The following YEATS4 variants were observed in gnomAD, a reference collection of about 807,000 sequenced individuals.
YEATS4 encodes YEATS domain containing 4.
Under a neutral mutation model 30.1 loss-of-function variants are expected in YEATS4, and 17 were observed. The observed-to-expected ratio is 0.56, with a 90% confidence interval of 0.39 to 0.85. The LOEUF (loss-of-function observed/expected upper bound fraction) is 0.85, where lower values mean the gene tolerates loss of function less well. Ranked by LOEUF, YEATS4 falls within the 40% of genes least tolerant of loss-of-function variation. The pLI, the probability that YEATS4 is intolerant of heterozygous loss-of-function variation, is 0.00. For missense variants in YEATS4, 142 were observed against 268.3 expected (o/e 0.53, Z 3.29); for synonymous variants, 85 against 87.5 (o/e 0.97, Z 0.16).
chr12:69,370,683 T>A lies in YEATS4; in HGVS notation c.334-23T>A, dbSNP rs768911891. 2.9e-5 allele frequency: 44 copies of A among 1,517,812 alleles called. No homozygotes were observed. In the South Asian group the frequency reaches 5.6e-4, roughly 19 times the overall value. The allele number at this position is 1,517,812 out of a possible 1,614,324, so 94.0% of individuals were successfully genotyped here. A position where few individuals can be genotyped will look rare whatever the true frequency, so the allele number is the denominator to read the frequency against. On this transcript the variant is annotated intron_variant, in intron 4 of 6. Transcript: ENST00000247843. The stretch of plus-strand genomic sequence containing the variant: ...GATGATAAAAACCATTGCACAGATT[T>A]GACATCTGTTTCTATTTCACAGGTA...
At chr12:69,416,018 C>G in the YEATS4 span, among the ~76,000 whole-genome samples, 2 of 152,222 alleles carry the variant, frequency 1.3e-5, no homozygotes, top group South Asian at 4.1e-4. Context: ...GTCAGCACTT[C>G]TGTGAGAACT....
chr12:69,396,712 T>G, the YEATS4 span, among the ~76,000 whole-genome samples: 1 of 128,826 alleles, frequency 7.8e-6, no homozygotes, highest in African/African-American at 2.5e-5. Context: ...ATTGAAACCA[T>G]GAACCTATTT....
chr12:69,399,208 A>C, the YEATS4 span, among the ~76,000 whole-genome samples: 1 of 152,068 alleles, frequency 6.6e-6, no homozygotes, highest in Non-Finnish European at 1.5e-5. Flanking sequence ...TTCTAAAAAA[A>C]GTCAGAAAAA....
chr12:69,390,482 T>G lies in YEATS4; in HGVS notation c.*166T>G. On this transcript the variant is annotated 3_prime_UTR_variant, in exon 7 of 7. Transcript: ENST00000247843. ...GGAATTTGTACTATTTAAGCAATCT[T>G]TAATGGAAAATATGTGTGTAAGAAT... 1.8e-6 allele frequency: 1 copy of G among 552,612 alleles called. No homozygotes were observed. The highest frequency in any genetic ancestry group is 2.9e-6 in the Non-Finnish European group (1 of 344,378). The allele number at this position is 552,612 out of a possible 1,614,324, so 34.2% of individuals were successfully genotyped here. A position where few individuals can be genotyped will look rare whatever the true frequency, so the allele number is the denominator to read the frequency against.
At chr12:69,367,308 T>A (rs1369854497) in intron 4 of YEATS4, among the ~76,000 whole-genome samples, 2 of 152,214 alleles carry the variant, frequency 1.3e-5, no homozygotes, top group East Asian at 3.8e-4. Context: ...AGTTTTTAGA[T>A]CTCCTACCAT....
chr12:69,385,921 A>C (rs1197337829), intron 6 of YEATS4, among the ~76,000 whole-genome samples: 1 of 152,206 alleles, frequency 6.6e-6, no homozygotes, highest in Non-Finnish European at 1.5e-5. Context: ...AAAATTACCC[A>C]GTAGAGCCTG....
chr12:69,413,353 G>GA, the YEATS4 span, among the ~76,000 whole-genome samples: 6,954 of 110,484 alleles, frequency 0.063, 216 homozygotes, highest in Non-Finnish European at 0.074. Flanking sequence ...GTCTCTAAAT[G>GA]AAAAAAAAAA....
chr12:69,361,591 G>A (rs994540346), intron 1 of YEATS4, among the ~76,000 whole-genome samples: 2 of 151,762 alleles, frequency 1.3e-5, no homozygotes, highest in Non-Finnish European at 2.9e-5. Flanking sequence ...GTGCCTGGCC[G>A]CTTTTCTTCA....
At chr12:69,397,752 C>A in the YEATS4 span, among the ~76,000 whole-genome samples, 1 of 152,044 alleles carries the variant, frequency 6.6e-6, no homozygotes, top group African/African-American at 2.4e-5. Context: ...CACAGACACT[C>A]ACAGAAGGAA....
intron 4 of YEATS4, among the ~76,000 whole-genome samples, chr12:69,366,204 G>A (rs975341237): frequency 1.3e-5 from 2 of 152,118 alleles, no homozygotes; most frequent in Admixed American, 6.5e-5. Context: ...CCCATATGCT[G>A]TGTAAAATAG....
At chr12:69,393,701 G>A (rs971134876), downstream of YEATS4, among the ~76,000 whole-genome samples, 2 of 152,142 alleles carry the variant, frequency 1.3e-5, no homozygotes, top group South Asian at 2.1e-4. Flanking sequence ...CTAAATCTGG[G>A]GAAAGGGGAT....
chr12:69,420,938 T>C, the YEATS4 span, among the ~76,000 whole-genome samples: 1 of 152,192 alleles, frequency 6.6e-6, no homozygotes, highest in East Asian at 1.9e-4. Context: ...TTTGGCATAG[T>C]GTTTTTAAGG....
Position 69,365,875 on chromosome 12 carries a change from T to C in YEATS4, c.324T>C (p.Asn108=). The C allele has an allele frequency of 6.3e-7, 1 of 1,599,572 alleles. No individual in the cohort carries two copies. The highest frequency in any genetic ancestry group is 8.5e-7 in the Non-Finnish European group (1 of 1,172,124). ...IIIKIFFIDP[N]ERPVTLYHLL... Reference sequence around the variant, plus strand: ...TCAAAATATTTTTCATTGACCCTAATGAAAGACCTGTGAGTAGCATTAATC... The same window carrying C: ...TCAAAATATTTTTCATTGACCCTAACGAAAGACCTGTGAGTAGCATTAATC... Residue 108 remains asparagine (N), a synonymous_variant, in exon 4 of 7, where the codon AAT becomes AAC. Coordinates refer to ENST00000247843, the MANE Select transcript of YEATS4 (RefSeq NM_006530.4).
At chr12:69,360,382 C>G (rs1157195195) in intron 1 of YEATS4, among the ~76,000 whole-genome samples, 1 of 152,200 alleles carries the variant, frequency 6.6e-6, no homozygotes, top group Non-Finnish European at 1.5e-5. Flanking sequence ...ACGCCACCCT[C>G]CTGGTGTGAG....
chr12:69,411,972 C>T, the YEATS4 span, among the ~76,000 whole-genome samples: 1 of 152,162 alleles, frequency 6.6e-6, no homozygotes, highest in Non-Finnish European at 1.5e-5. Context: ...AGACAGGAAA[C>T]TCAAAGAGCA....
the YEATS4 span, among the ~76,000 whole-genome samples, chr12:69,417,066 T>C: frequency 5.3e-3 from 801 of 149,908 alleles, 5 homozygotes; most frequent in Non-Finnish European, 7.7e-3. Context: ...AGAGCAAAAC[T>C]CTGTCCCAAA....
intron 6 of YEATS4, 111 bp downstream of exon 6, chr12:69,371,086 AGGTGT>A: frequency 9.5e-7 from 1 of 1,055,166 alleles, no homozygotes; most frequent in Non-Finnish European, 1.3e-6. Context: ...TAAGTTTTTT[AGGTGT>A]TAAAAAACAC....
At chr12:69,412,995 T>C in the YEATS4 span, among the ~76,000 whole-genome samples, 1 of 151,996 alleles carries the variant, frequency 6.6e-6, no homozygotes, top group Non-Finnish European at 1.5e-5. Context: ...AGCAGGACAT[T>C]GGAAAGACAG....
the YEATS4 span, among the ~76,000 whole-genome samples, chr12:69,424,039 G>A: frequency 2.0e-5 from 3 of 152,076 alleles, no homozygotes; most frequent in South Asian, 2.1e-4. Context: ...GAGCTGCAGC[G>A]ATCATTTTGG....
Sources: gnomAD v4.1 joint callset for allele counts (sites outside exome capture counted in the v4.1 genomes callset) on GRCh38, gnomAD v4.1.1 for gene constraint, MANE v1.5 for transcripts, NCBI Gene and HGNC (gene_info 2026-07-23, HGNC 2026-07-21) for gene names.